The following KIF4A variants were observed in gnomAD, a reference collection of about 807,000 sequenced individuals.
The protein encoded by KIF4A is chromosome-associated kinesin KIF4A.
A neutral mutation model predicts 105.9 loss-of-function variants in KIF4A; 7 were observed. That is an observed-to-expected ratio of 0.07 (90% CI 0.04 to 0.12). The LOEUF (loss-of-function observed/expected upper bound fraction) is 0.12. Among genes scored for constraint, KIF4A ranks in the 10% least tolerant of loss-of-function variants. KIF4A has a pLI of 1.00. For missense variants in KIF4A, 558 were observed against 929.2 expected, an observed-to-expected ratio of 0.60 and a Z score of 5.19; for synonymous variants, 281 against 331.3, an observed-to-expected ratio of 0.85 and a Z score of 1.65.
At chrX:70,310,395 G>A (rs978531680) in intron 7 of KIF4A, among the ~76,000 whole-genome samples, 26 of 108,426 alleles carry the variant, frequency 2.4e-4, no homozygotes, top group African/African-American at 8.1e-4. Flanking sequence ...ATTTGTTCAT[G>A]TTCTTGCTTT....
chrX:70,331,113 C>T (rs1023348331), intron 9 of KIF4A, among the ~76,000 whole-genome samples: 7 of 111,554 alleles, frequency 6.3e-5, no homozygotes, highest in African/African-American at 2.3e-4. Flanking sequence ...TGGGCAAGTT[C>T]TCTGTGCCTT....
In KIF4A at chrX:70,420,824, C is replaced by G. The variant is rs1176033130; in HGVS notation, c.*559C>G. The stretch of plus-strand genomic sequence containing the variant: ...AGTAAGTAAATAAACCTTAGCCCGT[C>G]TACTGTTTGGGAAGATCCTTCTGTG... On this transcript the variant is annotated 3_prime_UTR_variant, in exon 31 of 31. Transcript: ENST00000374403. 8.8e-6 allele frequency: 1 copy of G among 113,775 alleles called. No homozygotes were observed. The highest frequency in any genetic ancestry group is 1.9e-5 in the Non-Finnish European group (1 of 53,141). The allele number at this position is 113,775 out of a possible 1,213,427, so 9.4% of individuals were successfully genotyped here.
intron 5 of KIF4A, 93 bp from the exon 6 acceptor site, chrX:70,301,807 A>G: frequency 1.0e-6 from 1 of 1,001,524 alleles, no homozygotes. Flanking sequence ...CTACTAGACT[A>G]TCAAGGCATT....
chrX:70,297,831 C>G (rs1022680289), intron 4 of KIF4A, among the ~76,000 whole-genome samples: 2 of 111,948 alleles, frequency 1.8e-5, no homozygotes, highest in Non-Finnish European at 3.8e-5. Flanking sequence ...CTACTTGATT[C>G]CATAGCAGTG....
chrX:70,295,852 G>C (rs1037519021), intron 3 of KIF4A, among the ~76,000 whole-genome samples: 1 of 107,470 alleles, frequency 9.3e-6, no homozygotes, highest in African/African-American at 3.4e-5. Context: ...GGGAGGTGGA[G>C]GTTGTAGTTA....
chrX:70,397,764 G>C lies in KIF4A; in HGVS notation c.2489+1715G>C, dbSNP rs146604609. On this transcript the variant is annotated intron_variant, in intron 22 of 30. Transcript: ENST00000374403. ...AGCAATACATACTAACTTTATCTTG[G>C]GATACATCTATAAATCACTCAACCT... 5.1e-3 allele frequency among the ~76,000 whole-genome samples: 575 copies of C among 111,771 alleles called. 26 individuals are homozygous for C. In the East Asian group the frequency reaches 0.093, roughly 18 times the overall value.
chrX:70,310,953 A>G (rs1353874474), intron 7 of KIF4A, among the ~76,000 whole-genome samples: 2 of 109,620 alleles, frequency 1.8e-5, no homozygotes, highest in Non-Finnish European at 3.8e-5. Context: ...TAGTAAGATC[A>G]CTGTCTCTAC....
intron 28 of KIF4A, among the ~76,000 whole-genome samples, chrX:70,417,542 G>C (rs1178035066): frequency 8.9e-6 from 1 of 112,050 alleles, no homozygotes; most frequent in African/African-American, 3.2e-5. Flanking sequence ...AGCTACTCAG[G>C]AGGCTGAGGC....
chrX:70,303,580 A>G (rs1200280160), intron 7 of KIF4A, among the ~76,000 whole-genome samples: 1 of 111,978 alleles, frequency 8.9e-6, no homozygotes. Flanking sequence ...TGTCATTCAA[A>G]GTACCCTTTT....
intron 13 of KIF4A, among the ~76,000 whole-genome samples, chrX:70,351,063 A>G (rs929911652): frequency 2.7e-5 from 3 of 112,354 alleles, no homozygotes; most frequent in Non-Finnish European, 5.6e-5. Context: ...TGCCCCAAAA[A>G]ATAATTTGCC....
At chrX:70,336,029 TG>T (rs768806941) in intron 10 of KIF4A, among the ~76,000 whole-genome samples, 1 of 112,223 alleles carries the variant, frequency 8.9e-6, no homozygotes, top group Non-Finnish European at 1.9e-5. Context: ...GTATTTCTTT[TG>T]TACAAATGAA....
At position 70,350,938 on chromosome X, in the gene KIF4A, C is replaced by T. The variant is rs528809745; in HGVS notation, c.1432-1662C>T. Among the ~76,000 whole-genome samples the T allele has an allele frequency of 4.9e-4, 55 of 111,381 alleles. No individual in the cohort carries two copies. In the Middle Eastern group the frequency reaches 0.014, roughly 28 times the overall value. ...AAGTGGTAATCCATATCTTACAATA[C>T]CAAATAAAGCCTAAATTCCAGTGGT... On this transcript the variant is annotated intron_variant, in intron 13 of 30. Coordinates refer to ENST00000374403, the MANE Select transcript of KIF4A (RefSeq NM_012310.5).
Position 70,341,910 on chromosome X carries a change from G to A in KIF4A, c.1245G>A (p.Gln415=), listed in dbSNP as rs758617323. 17 of 1,208,184 alleles carry A rather than the reference G, an allele frequency of 1.4e-5. No homozygotes were observed. The highest frequency in any genetic ancestry group is 5.2e-5 in the African/African-American group (3 of 57,210). ...GCGAGGCAGCTGGTCAGACAGCCCAGATGTTGGAGAGGATCATTTTGGTAA... is the reference window on the plus strand; with the variant it reads ...GCGAGGCAGCTGGTCAGACAGCCCAAATGTTGGAGAGGATCATTTTGGTAA... ...GLSEAAGQTA[Q]MLERIILTEQ... The change falls in exon 11 of 31, where the codon CAG becomes CAA. Residue 415 remains glutamine (Q), a synonymous_variant. Coordinates refer to ENST00000374403, the MANE Select transcript of KIF4A (RefSeq NM_012310.5).
At chrX:70,325,768 CCATTATGT>C (rs1381768898) in intron 7 of KIF4A, among the ~76,000 whole-genome samples, 1 of 108,174 alleles carries the variant, frequency 9.2e-6, no homozygotes, top group African/African-American at 3.4e-5. Flanking sequence ...TCCCCAAAGT[CCATTATGT>C]CATTCTTATG....
At chrX:70,363,545 T>G (rs1011948417) in intron 15 of KIF4A, among the ~76,000 whole-genome samples, 1 of 111,491 alleles carries the variant, frequency 9.0e-6, no homozygotes, top group Admixed American at 9.6e-5. Context: ...GTTTCCAGCT[T>G]CATCCATGTC....
chrX:70,417,926 G>A lies in KIF4A; in HGVS notation c.3294G>A (p.Gly1098=). The change falls in exon 29 of 31, where the codon GGG becomes GGA. Residue 1098 remains glycine, a synonymous_variant. Transcript: ENST00000374403. The stretch of plus-strand genomic sequence containing the variant: ...GCTGGTGTGGAAACAAGCAGTGTGG[G>A]TGCAGGAAGCAAAAGTCAGACTGTG... ...CKGWCGNKQC[G]CRKQKSDCGV... The A allele has an allele frequency of 4.1e-6, 5 of 1,211,196 alleles. No individual in the cohort carries two copies. Among genetic ancestry groups the A allele is most frequent in the Non-Finnish European group, 5.6e-6 (5 of 895,143 alleles).
intron 10 of KIF4A, among the ~76,000 whole-genome samples, chrX:70,336,235 C>T (rs1306204437): frequency 8.9e-6 from 1 of 111,931 alleles, no homozygotes; most frequent in Non-Finnish European, 1.9e-5. Context: ...ATGTGCCATA[C>T]ATATCAATTC....
At chrX:70,406,068 T>G (rs1434609470) in intron 26 of KIF4A, among the ~76,000 whole-genome samples, 163 bp downstream of exon 26, 1 of 111,749 alleles carries the variant, frequency 8.9e-6, no homozygotes, top group Non-Finnish European at 1.9e-5. Flanking sequence ...AAACATAAGT[T>G]TTTAAATTTG....
At chrX:70,326,317 A>T (rs897144575) in intron 7 of KIF4A, among the ~76,000 whole-genome samples, 8 of 111,774 alleles carry the variant, frequency 7.2e-5, no homozygotes, top group African/African-American at 2.6e-4. Context: ...CCTTTACCCG[A>T]TGAATGCCAG....
Sources: gnomAD v4.1 joint callset for allele counts (sites outside exome capture counted in the v4.1 genomes callset) on GRCh38, gnomAD v4.1.1 for gene constraint, MANE v1.5 for transcripts, NCBI Gene and HGNC (gene_info 2026-07-23, HGNC 2026-07-21) for gene names.